NAV3: variants seen among roughly 807,000 people sequenced by gnomAD.
NAV3 encodes the protein neuron navigator 3.
In NAV3, 87 loss-of-function variants were observed where a neutral mutation model predicts 244.7. The observed-to-expected ratio is 0.36, with a 90% CI of 0.30 to 0.42. The LOEUF (loss-of-function observed/expected upper bound fraction) is 0.42. Ranked by LOEUF, NAV3 falls within the 20% of genes least tolerant of loss-of-function variation. NAV3 has a pLI of 1.00. For synonymous variants in NAV3, 1,126 were observed against 1,042.2 expected (o/e 1.08, Z -1.55); for missense variants, 2,663 against 2,893.3 (o/e 0.92, Z 1.83).
intron 2 of NAV3, among the ~76,000 whole-genome samples, chr12:77,597,529 G>A (rs1870227726): frequency 6.6e-6 from 1 of 152,158 alleles, no homozygotes; most frequent in South Asian, 2.1e-4. Flanking sequence ...AAGTATGTAG[G>A]TGTTTATAAT....
intron 1 of NAV3, among the ~76,000 whole-genome samples, chr12:77,836,640 A>T (rs1874688190): frequency 6.6e-6 from 1 of 152,214 alleles, no homozygotes; most frequent in Admixed American, 6.5e-5. Flanking sequence ...TGTTCAAAGG[A>T]AGACTTTTTT....
chr12:77,574,562 G>A (rs1419828520), intron 2 of NAV3, among the ~76,000 whole-genome samples: 5 of 151,988 alleles, frequency 3.3e-5, no homozygotes, highest in Non-Finnish European at 7.4e-5. Context: ...GAAACAGAAC[G>A]CATTTAGCCT....
intron 1 of NAV3, among the ~76,000 whole-genome samples, chr12:77,878,228 T>C (rs762818248): frequency 2.6e-5 from 4 of 152,034 alleles, no homozygotes; most frequent in Non-Finnish European, 5.9e-5. Context: ...TTTGTTTTTG[T>C]TTTGTTTTGT....
At chr12:77,612,540 G>T (rs994236417) in intron 2 of NAV3, among the ~76,000 whole-genome samples, 1 of 152,058 alleles carries the variant, frequency 6.6e-6, no homozygotes, top group Non-Finnish European at 1.5e-5. Context: ...TATCTGCATT[G>T]CTTTCCCCAT....
At chr12:77,737,326 G>A (rs556567814) in intron 2 of NAV3, among the ~76,000 whole-genome samples, 9 of 150,990 alleles carry the variant, frequency 6.0e-5, no homozygotes, top group Admixed American at 1.3e-4. Context: ...TTCTTAAAAA[G>A]GAGGGTGGCA....
intron 2 of NAV3, among the ~76,000 whole-genome samples, chr12:77,710,684 A>T (rs1182884023): frequency 6.6e-6 from 1 of 152,202 alleles, no homozygotes; most frequent in African/African-American, 2.4e-5. Context: ...AGAGTATCTC[A>T]GACATGCACA....
At chr12:77,629,655 C>A (rs529434051) in intron 2 of NAV3, among the ~76,000 whole-genome samples, 2 of 149,892 alleles carry the variant, frequency 1.3e-5, no homozygotes, top group South Asian at 4.2e-4. Context: ...CACCAACCTA[C>A]CTAAGAATAA....
At chr12:77,876,821 G>A (rs995494001) in intron 1 of NAV3, among the ~76,000 whole-genome samples, 1 of 151,996 alleles carries the variant, frequency 6.6e-6, no homozygotes, top group African/African-American at 2.4e-5. Flanking sequence ...AGATTGGGCT[G>A]CTTACTTTAA....
At chr12:78,166,273 G>A (rs1011978605) in intron 23 of NAV3, among the ~76,000 whole-genome samples, 4 of 151,780 alleles carry the variant, frequency 2.6e-5, no homozygotes, top group Non-Finnish European at 5.9e-5. Context: ...GGAAAGCTCA[G>A]AGAAAAGAGA....
At chr12:78,160,391 G>GTGTGTT (rs1957481580) in intron 23 of NAV3, among the ~76,000 whole-genome samples, 1 of 85,564 alleles carries the variant, frequency 1.2e-5, no homozygotes. Flanking sequence ...GTGTGTGTGT[G>GTGTGTT]TGTGTGTGCG....
At chr12:77,857,963 A>G (rs1246526047) in intron 1 of NAV3, among the ~76,000 whole-genome samples, 2 of 152,052 alleles carry the variant, frequency 1.3e-5, no homozygotes, top group East Asian at 3.8e-4. Context: ...TAAGAAGGAA[A>G]TTCATTTCGA....
At chr12:78,111,318 A>G (rs1955081215) in intron 12 of NAV3, among the ~76,000 whole-genome samples, 1 of 152,140 alleles carries the variant, frequency 6.6e-6, no homozygotes, top group South Asian at 2.1e-4. Flanking sequence ...CATTAAGTCA[A>G]TACTACTATA....
At chr12:77,896,584 T>A (rs753498023) in intron 1 of NAV3, among the ~76,000 whole-genome samples, 1 of 152,200 alleles carries the variant, frequency 6.6e-6, no homozygotes, top group Admixed American at 6.5e-5. Context: ...TGGGGGAATA[T>A]GGAAAAATAT....
intron 6 of NAV3, 122 bp from the exon 7 acceptor site, chr12:77,998,215 C>T (rs1872678559): frequency 1.6e-6 from 1 of 639,048 alleles, no homozygotes; most frequent in Non-Finnish European, 2.4e-6. Flanking sequence ...ACATCTATCA[C>T]CATTTTCTGC....
intron 13 of NAV3, among the ~76,000 whole-genome samples, 176 bp downstream of exon 13, chr12:78,117,080 C>G (rs1391565632): frequency 6.8e-6 from 1 of 146,638 alleles, no homozygotes; most frequent in Non-Finnish European, 1.5e-5. Context: ...CATCTTTCAT[C>G]TTAGTCTTTC....
chr12:77,969,574 C>T (rs1218868710), intron 5 of NAV3, among the ~76,000 whole-genome samples: 2 of 152,164 alleles, frequency 1.3e-5, no homozygotes, highest in South Asian at 2.1e-4. Flanking sequence ...CGGCCAGGCA[C>T]GATGGCTCAA....
At chr12:77,700,536 A>C (rs1490163039) in intron 2 of NAV3, among the ~76,000 whole-genome samples, 1 of 152,134 alleles carries the variant, frequency 6.6e-6, no homozygotes, top group Non-Finnish European at 1.5e-5. Context: ...GTATCACTGT[A>C]CTGGTGAAGA....
intron 2 of NAV3, among the ~76,000 whole-genome samples, chr12:77,583,344 A>G (rs1027365286): frequency 8.5e-5 from 13 of 152,212 alleles, no homozygotes; most frequent in African/African-American, 3.1e-4. Flanking sequence ...CCATCTTTTA[A>G]CAGTTGCTGG....
chr12:77,932,865 A>G lies in NAV3; in HGVS notation c.244-7454A>G, dbSNP rs116001675. On this transcript the variant is annotated intron_variant, in intron 1 of 39. Coordinates refer to ENST00000397909, the MANE Select transcript of NAV3 (RefSeq NM_001024383.2). ...GTGCCCCTTCCCCATGTTCTGGCCA[A>G]ATAGAACTATACAAAATTCTCTGAA... is the stretch of plus-strand genomic sequence containing the variant. Among the ~76,000 whole-genome samples, 1,517 of 152,264 alleles carry G rather than the reference A, an allele frequency of 1.0e-2. 32 individuals are homozygous for G. The highest frequency in any genetic ancestry group is 0.035 in the African/African-American group (1,450 of 41,554).
Sources: allele counts gnomAD v4.1 joint callset (sites outside exome capture counted in the v4.1 genomes callset), GRCh38; gene constraint gnomAD v4.1.1; transcripts MANE v1.5; gene names NCBI Gene and HGNC (gene_info 2026-07-23, HGNC 2026-07-21).